Variants in MZT2B observed in about 807,000 individuals in gnomAD.
MZT2B encodes mitotic-spindle organizing protein 2B.
A neutral mutation model predicts 12.1 loss-of-function variants in MZT2B; 11 were observed. The ratio of observed to expected loss-of-function variants is 0.91; its 90% CI spans 0.57 to 1.50. The LOEUF (loss-of-function observed/expected upper bound fraction) is 1.50. Among genes scored for constraint, MZT2B ranks in the 40% most tolerant of loss-of-function variants. The pLI is 0.00. For synonymous variants in MZT2B, 85 were observed against 109.5 expected (o/e 0.78, Z 1.40); for missense variants, 209 against 227.7 (o/e 0.92, Z 0.53).
At chr2:130,191,897 C>T (rs1690268215), downstream of MZT2B, 4 of 1,614,166 alleles carry the variant, frequency 2.5e-6, no homozygotes, top group Non-Finnish European at 3.4e-6. Context: ...CACAATCCTT[C>T]TCTAGAGCTG....
chr2:130,191,214 A>G (rs975446490), downstream of MZT2B, among the ~76,000 whole-genome samples: 2 of 152,180 alleles, frequency 1.3e-5, no homozygotes, highest in African/African-American at 4.8e-5. Flanking sequence ...GGCAGTTGAC[A>G]GTGCTGAGGG....
At chr2:130,186,182 A>G (rs182343023) in intron 2 of MZT2B, among the ~76,000 whole-genome samples, 33 of 152,258 alleles carry the variant, frequency 2.2e-4, no homozygotes, top group Non-Finnish European at 4.1e-4. Flanking sequence ...CATGGAGGCC[A>G]TAGGTTTCCC....
At chr2:130,181,705 G>A (rs539280409), upstream of MZT2B, 2 of 1,548,500 alleles carry the variant, frequency 1.3e-6, no homozygotes, top group South Asian at 1.2e-5. Context: ...AGGCCGGCCG[G>A]GCGGGGAAGA....
the MZT2B span, chr2:130,202,452 G>T: frequency 7.8e-7 from 1 of 1,278,356 alleles, no homozygotes; most frequent in Non-Finnish European, 1.0e-6. Flanking sequence ...AGGCAGTTTG[G>T]TTCTGGGTGA....
chr2:130,197,186 G>C, the MZT2B span, among the ~76,000 whole-genome samples: 3 of 152,128 alleles, frequency 2.0e-5, no homozygotes, highest in Non-Finnish European at 4.4e-5. Flanking sequence ...CTGTCCTTTG[G>C]TGGTTTCTTT....
chr2:130,182,156 C>G, upstream of MZT2B: 4 of 1,262,144 alleles, frequency 3.2e-6, no homozygotes, highest in Non-Finnish European at 4.0e-6. Context: ...GGCCCCGTCC[C>G]CGCGCTCCCG....
chr2:130,194,782 ATTC>A (rs2104751971), downstream of MZT2B, among the ~76,000 whole-genome samples: 1 of 152,088 alleles, frequency 6.6e-6, no homozygotes, highest in East Asian at 1.9e-4. Context: ...AGTTCAAGCA[ATTC>A]TTCTGCCTCA....
At chr2:130,183,726 G>A (rs1479283944) in intron 2 of MZT2B, 5 of 1,550,500 alleles carry the variant, frequency 3.2e-6, no homozygotes, top group Admixed American at 3.9e-5. Flanking sequence ...GCACCTGCGT[G>A]CTGGCCTCTT....
chr2:130,192,200 A>C, downstream of MZT2B: 2 of 1,539,750 alleles, frequency 1.3e-6, no homozygotes. Context: ...CTTCTCCTCA[A>C]ACAGAAGACA....
chr2:130,184,038 A>G (rs1221532309), intron 2 of MZT2B: 1 of 1,550,284 alleles, frequency 6.5e-7, no homozygotes, highest in South Asian at 1.2e-5. Flanking sequence ...TGGCCCCAGG[A>G]GGCCCAAGCA....
downstream of MZT2B, chr2:130,194,542 C>T: frequency 1.4e-6 from 2 of 1,443,002 alleles, no homozygotes; most frequent in Non-Finnish European, 1.9e-6. Context: ...AGGGCCGCTT[C>T]TCTTTGCCTC....
At chr2:130,181,729 A>C (rs1376632544), upstream of MZT2B, 1 of 1,548,904 alleles carries the variant, frequency 6.5e-7, no homozygotes, top group East Asian at 2.4e-5. Context: ...ATGGCGAGGC[A>C]GGAGTGCGGG....
chr2:130,190,228 C>T (rs1388865092), intron 2 of MZT2B, among the ~76,000 whole-genome samples: 2 of 152,210 alleles, frequency 1.3e-5, no homozygotes, highest in African/African-American at 2.4e-5. Context: ...GTGCTCCTTG[C>T]ATGGCTTTGC....
intron 2 of MZT2B, among the ~76,000 whole-genome samples, chr2:130,187,016 A>G (rs2104732019): frequency 7.0e-6 from 1 of 142,566 alleles, no homozygotes; most frequent in African/African-American, 2.6e-5. Flanking sequence ...TCGGAGTTTG[A>G]GACCAGCCTG....
chr2:130,184,444 G>A, intron 2 of MZT2B: 1 of 985,472 alleles, frequency 1.0e-6, no homozygotes, highest in Non-Finnish European at 1.2e-6. Context: ...CCACACTCCA[G>A]CACTCAGCCC....
intron 2 of MZT2B, among the ~76,000 whole-genome samples, chr2:130,186,151 T>C (rs1226274702): frequency 1.3e-5 from 2 of 151,088 alleles, no homozygotes; most frequent in Non-Finnish European, 1.5e-5. Flanking sequence ...GGGGGGTTGT[T>C]GGAGTGATCC....
intron 2 of MZT2B, chr2:130,184,582 A>G (rs1396164443): frequency 4.1e-6 from 4 of 985,218 alleles, no homozygotes; most frequent in Admixed American, 6.1e-5. Context: ...ACTTCCTGAC[A>G]GCGCCCACCT....
upstream of MZT2B, chr2:130,182,181 G>A: frequency 1.6e-6 from 2 of 1,263,268 alleles, no homozygotes; most frequent in Admixed American, 4.0e-5. Flanking sequence ...TCCCGCCAGG[G>A]CAGCCCGGGA....
At chr2:130,197,704 T>C in the MZT2B span, among the ~76,000 whole-genome samples, 2 of 123,808 alleles carry the variant, frequency 1.6e-5, 1 homozygote, top group Admixed American at 1.8e-4. Flanking sequence ...AGTTCCAGGC[T>C]CGGCTGATCC....
Sources: gnomAD v4.1 joint callset for allele counts (sites outside exome capture counted in the v4.1 genomes callset) on GRCh38, gnomAD v4.1.1 for gene constraint, MANE v1.5 for transcripts, NCBI Gene and HGNC (gene_info 2026-07-23, HGNC 2026-07-21) for gene names.